The following PDE7B variants were observed in gnomAD, a reference collection of about 807,000 sequenced individuals.
PDE7B encodes the protein 3',5'-cyclic-AMP phosphodiesterase 7B.
PDE7B carries 29 observed loss-of-function variants against 56.2 expected under a neutral mutation model. The observed-to-expected ratio is 0.52, with a 90% CI of 0.38 to 0.70. The LOEUF is 0.70. PDE7B is among the 30% of genes least tolerant of loss of function. PDE7B has a pLI of 0.00. For missense variants in PDE7B, 490 were observed against 565.0 expected, an observed-to-expected ratio of 0.87 and a Z score of 1.35; for synonymous variants, 197 against 196.9, an observed-to-expected ratio of 1.00 and a Z score of 0.00.
chr6:136,086,682 A>C (rs1229881675), intron 2 of PDE7B, among the ~76,000 whole-genome samples: 1 of 152,196 alleles, frequency 6.6e-6, no homozygotes, highest in Admixed American at 6.5e-5. Flanking sequence ...ATGAGCGTGC[A>C]TTTTCTCTGA....
intron 1 of PDE7B, among the ~76,000 whole-genome samples, chr6:135,903,336 T>C (rs1776039123): frequency 6.6e-6 from 1 of 152,214 alleles, no homozygotes; most frequent in Non-Finnish European, 1.5e-5. Context: ...ATTGCACAGC[T>C]GGTAAGGCTT....
intron 1 of PDE7B, among the ~76,000 whole-genome samples, chr6:135,933,469 CA>C (rs1429671992): frequency 6.6e-6 from 1 of 152,224 alleles, no homozygotes; most frequent in Non-Finnish European, 1.5e-5. Flanking sequence ...TTAAGCCAAA[CA>C]TTCTGTAGAC....
intron 1 of PDE7B, among the ~76,000 whole-genome samples, chr6:135,932,118 T>G (rs1306824526): frequency 2.0e-5 from 3 of 151,908 alleles, no homozygotes; most frequent in Non-Finnish European, 2.9e-5. Context: ...CTTAAAAAAT[T>G]TATAGGAAAT....
At chr6:136,014,260 G>A (rs1775939269) in intron 2 of PDE7B, among the ~76,000 whole-genome samples, 1 of 152,144 alleles carries the variant, frequency 6.6e-6, no homozygotes, top group Admixed American at 6.5e-5. Flanking sequence ...ATACCACTAA[G>A]GTGATAATCT....
At position 136,181,460 on chromosome 6, in the gene PDE7B, ACT is replaced by A. The variant is rs1779066224; in HGVS notation, c.1045+142_1045+143del. On this transcript the variant is annotated intron_variant, in intron 11 of 12. Transcript: ENST00000308191. ...CTTGTTATCCTAACCTTTCTCTTTT[ACT>A]CTCTTGGAACTCATCCAACCCTTTT... is the stretch of plus-strand genomic sequence containing the variant. 9.4e-6 allele frequency: 6 copies of A among 638,386 alleles called. No homozygotes were observed. In the East Asian group the frequency reaches 1.6e-4, roughly 17 times the overall value. The allele number at this position is 638,386 out of a possible 1,614,324, so 39.5% of individuals were successfully genotyped here. A position where few individuals can be genotyped will look rare whatever the true frequency, so the allele number is the denominator to read the frequency against.
chr6:135,864,793 T>TA (rs1008190536), intron 1 of PDE7B, among the ~76,000 whole-genome samples: 3 of 152,170 alleles, frequency 2.0e-5, no homozygotes, highest in East Asian at 3.9e-4. Context: ...CCTTTCTTTT[T>TA]TTATTATTAT....
chr6:136,037,038 G>T (rs1457948546), intron 2 of PDE7B, among the ~76,000 whole-genome samples: 1 of 152,174 alleles, frequency 6.6e-6, no homozygotes, highest in Non-Finnish European at 1.5e-5. Flanking sequence ...GGAACAAGAG[G>T]CATGGCCCAC....
chr6:135,994,684 T>C (rs974098412), intron 2 of PDE7B, among the ~76,000 whole-genome samples: 2 of 152,212 alleles, frequency 1.3e-5, no homozygotes, highest in African/African-American at 4.8e-5. Flanking sequence ...TATTCAATTA[T>C]ATTCAACAAG....
intron 8 of PDE7B, chr6:136,156,202 T>TGTG (rs1562508366): frequency 2.4e-4 from 78 of 324,728 alleles, no homozygotes; most frequent in Middle Eastern, 1.1e-3. Flanking sequence ...TGTGTGTGTG[T>TGTG]TTTCAGAAAC....
intron 2 of PDE7B, among the ~76,000 whole-genome samples, chr6:135,979,993 A>G (rs1405486254): frequency 6.6e-6 from 1 of 152,208 alleles, no homozygotes; most frequent in Non-Finnish European, 1.5e-5. Context: ...GTCAATCCTA[A>G]GCCAAAAGAA....
At chr6:136,112,496 A>G (rs1777765620) in intron 3 of PDE7B, 1 of 152,166 alleles carries the variant, frequency 6.6e-6, no homozygotes, top group Non-Finnish European at 1.5e-5. Flanking sequence ...TACTCACCCT[A>G]TGGCCCTTTA....
At chr6:136,003,257 C>A (rs1330194725) in intron 2 of PDE7B, among the ~76,000 whole-genome samples, 1 of 151,372 alleles carries the variant, frequency 6.6e-6, no homozygotes. Context: ...CATGAAAGAT[C>A]CAAAATTGAC....
intron 12 of PDE7B, 47 bp from the exon 13 acceptor site, chr6:136,191,567 C>G (rs534460485): frequency 1.4e-5 from 21 of 1,486,004 alleles, no homozygotes; most frequent in Non-Finnish European, 1.8e-5. Context: ...GAGTAAGGAG[C>G]GGGTTTCACC....
chr6:136,108,332 T>G (rs1215698608), intron 2 of PDE7B, among the ~76,000 whole-genome samples: 3 of 152,036 alleles, frequency 2.0e-5, no homozygotes, highest in African/African-American at 7.2e-5. Flanking sequence ...AACAATTGTG[T>G]TGGAACAAAG....
At chr6:135,899,882 T>C (rs186813036) in intron 1 of PDE7B, among the ~76,000 whole-genome samples, 1 of 152,026 alleles carries the variant, frequency 6.6e-6, no homozygotes, top group Admixed American at 6.6e-5. Context: ...ACTGTCTGGA[T>C]ATATGATTTT....
intron 2 of PDE7B, among the ~76,000 whole-genome samples, chr6:135,990,106 T>G (rs1163155529): frequency 1.3e-5 from 2 of 150,928 alleles, no homozygotes; most frequent in East Asian, 1.9e-4. Context: ...TTGTTTTTTT[T>G]TTTTTTTGAG....
chr6:135,916,432 G>A (rs1402233573), intron 1 of PDE7B, among the ~76,000 whole-genome samples: 2 of 81,356 alleles, frequency 2.5e-5, no homozygotes, highest in East Asian at 8.2e-4. Context: ...TTGCTCTGTT[G>A]CCCAGGTCGC....
chr6:136,050,698 T>C (rs1157233473), intron 2 of PDE7B, among the ~76,000 whole-genome samples: 1 of 152,128 alleles, frequency 6.6e-6, no homozygotes, highest in Non-Finnish European at 1.5e-5. Context: ...TTTGCAAAAG[T>C]AGTGGTGACC....
chr6:136,078,590 A>G (rs1777157558), intron 2 of PDE7B, among the ~76,000 whole-genome samples: 1 of 152,126 alleles, frequency 6.6e-6, no homozygotes, highest in East Asian at 1.9e-4. Flanking sequence ...ATCCTGAAAA[A>G]AAAAAAGGTA....
Sources: allele counts gnomAD v4.1 joint callset (sites outside exome capture counted in the v4.1 genomes callset), GRCh38; gene constraint gnomAD v4.1.1; transcripts MANE v1.5; gene names NCBI Gene and HGNC (gene_info 2026-07-23, HGNC 2026-07-21).